The following TTC1 variants were observed in gnomAD, a reference collection of about 807,000 sequenced individuals.
The protein encoded by TTC1 is tetratricopeptide repeat domain 1.
In TTC1, 31 loss-of-function variants were observed where a neutral mutation model predicts 37.6. The ratio of observed to expected loss-of-function variants is 0.82; its 90% CI spans 0.62 to 1.11. The LOEUF (loss-of-function observed/expected upper bound fraction) is 1.11. Ranked by LOEUF, TTC1 falls within the 50% of genes most tolerant of loss-of-function variation. The pLI is 0.00. For synonymous variants in TTC1, 127 were observed against 122.4 expected (o/e 1.04, Z -0.25); for missense variants, 351 against 339.0 (o/e 1.04, Z -0.28).
chr5:160,013,763 T>C (rs1031723845), intron 2 of TTC1, among the ~76,000 whole-genome samples: 1 of 149,948 alleles, frequency 6.7e-6, no homozygotes, highest in African/African-American at 2.5e-5. Context: ...AAAAAAATAC[T>C]AACTAAAACA....
chr5:160,033,739 G>A (rs971371250), intron 2 of TTC1, among the ~76,000 whole-genome samples: 1 of 152,192 alleles, frequency 6.6e-6, no homozygotes, highest in Non-Finnish European at 1.5e-5. Flanking sequence ...TGGGGGAACC[G>A]TCCCCATGAT....
intron 2 of TTC1, among the ~76,000 whole-genome samples, chr5:160,029,509 G>A (rs566396119): frequency 1.1e-4 from 17 of 151,500 alleles, no homozygotes; most frequent in African/African-American, 2.7e-4. Context: ...ATAGCTAGGC[G>A]TGGTGGTGTG....
At chr5:160,060,946 G>A (rs7704770) in intron 7 of TTC1, among the ~76,000 whole-genome samples, 91,684 of 152,164 alleles carry the variant, frequency 0.6, 27,618 homozygotes, top group East Asian at 0.62. Context: ...CCCACAATGT[G>A]GGACTAACTT....
rs1756489042 is a variant in TTC1, at chr5:160,010,813, A to G, written c.285A>G (p.Glu95=). 6.2e-7 allele frequency: 1 copy of G among 1,614,068 alleles called. No homozygotes were observed. Among genetic ancestry groups the G allele is most frequent in the African/African-American group, 1.3e-5 (1 of 74,944 alleles). ...TGAATTCCTCTGAACTAGATGAAGA[A>G]TACCTAATAGAACTGGAAAAAAACA... ...EDVNSSELDE[E]YLIELEKNMS... Residue 95 remains glutamate (E), a synonymous_variant, in exon 2 of 8, where the codon GAA becomes GAG. Coordinates refer to ENST00000231238, the MANE Select transcript of TTC1 (RefSeq NM_003314.3).
Position 160,036,818 on chromosome 5 carries a change from CCTTTT to C in TTC1, c.504+21_504+25del. 3 of 1,578,944 alleles carry C rather than the reference CCTTTT, an allele frequency of 1.9e-6. No individual in the cohort carries two copies. Among genetic ancestry groups the C allele is most frequent in the Non-Finnish European group, 2.6e-6 (3 of 1,149,912 alleles). On this transcript the variant is annotated intron_variant, in intron 4 of 7. Coordinates refer to ENST00000231238, the MANE Select transcript of TTC1 (RefSeq NM_003314.3). ...GGATGAAACAGGTATGTATCTGTGACCTTTTCTTTTTAAAAAGCACATGGACTTGC... is the reference window on the plus strand; with the variant it reads ...GGATGAAACAGGTATGTATCTGTGACCTTTTTAAAAAGCACATGGACTTGC...
chr5:160,060,784 G>C (rs1263829421), intron 7 of TTC1, among the ~76,000 whole-genome samples: 5 of 152,162 alleles, frequency 3.3e-5, no homozygotes, highest in Admixed American at 3.3e-4. Context: ...AACAGCAAAA[G>C]GTAAATTTTT....
chr5:160,032,409 G>T (rs934262921), intron 2 of TTC1, among the ~76,000 whole-genome samples: 2 of 152,116 alleles, frequency 1.3e-5, no homozygotes, highest in South Asian at 4.1e-4. Context: ...TGTTGTCTTG[G>T]CTCTCCAACA....
chr5:160,045,497 C>T (rs1561634758), intron 5 of TTC1, among the ~76,000 whole-genome samples: 16 of 114,892 alleles, frequency 1.4e-4, no homozygotes, highest in African/African-American at 4.6e-4. Flanking sequence ...CACACACACA[C>T]ACACACACAC....
In TTC1 at chr5:160,049,604, A is replaced by G. The variant is rs1156517710; in HGVS notation, c.632A>G (p.Asp211Gly). Residue 211 changes from aspartate (D) to glycine (G), a missense_variant, in exon 6 of 8, where the codon GAC becomes GGC. By Grantham distance (94) the Asp-to-Gly change is moderately conservative (BLOSUM62 -1). Transcript: ENST00000231238. ...GACAAGCTAGATGAAGCCCTGGAAG[A>G]CTATAAATCTATATTAGAAAAAGAT... ...KTDKLDEALE[D>G]YKSILEKDPS... 6.2e-6 allele frequency: 10 copies of G among 1,610,898 alleles called. No homozygotes were observed. Among genetic ancestry groups the G allele is most frequent in the East Asian group, 4.5e-5 (2 of 44,790 alleles).
chr5:160,039,788 T>C (rs1162992381), intron 4 of TTC1, among the ~76,000 whole-genome samples: 5 of 152,236 alleles, frequency 3.3e-5, no homozygotes, highest in Non-Finnish European at 5.9e-5. Flanking sequence ...TATAAAGTTA[T>C]ACAGATTACT....
intron 5 of TTC1, among the ~76,000 whole-genome samples, chr5:160,045,150 G>A (rs1262488173): frequency 6.6e-6 from 1 of 152,002 alleles, no homozygotes; most frequent in African/African-American, 2.4e-5. Context: ...GTAACCAAAT[G>A]GTGAAAAAAT....
At chr5:160,034,126 CTTTTTTTTTTTT>C (rs978923159) in intron 2 of TTC1, among the ~76,000 whole-genome samples, 1 of 114,562 alleles carries the variant, frequency 8.7e-6, no homozygotes, top group East Asian at 2.5e-4. Flanking sequence ...GACCCTATCT[CTTTTTTTTTTTT>C]TTTTTTTTTA....
In TTC1 at chr5:160,010,539, A is replaced by T. The variant is rs1561622894; in HGVS notation, c.11A>T (p.Lys4Met). MGE[K>M]SENCGVPEDL... is the part of the protein sequence containing the mutation. ...CCCTCACTGGGCAGCATGGGGGAGA[A>T]GTCAGAGAACTGTGGGGTTCCAGAG... Residue 4 changes from lysine to methionine, a missense_variant, in exon 2 of 8, where the codon AAG becomes ATG. Transcript: ENST00000231238. 1 of 1,612,724 alleles carries T rather than the reference A, an allele frequency of 6.2e-7. No individual in the cohort carries two copies. Among genetic ancestry groups the T allele is most frequent in the South Asian group, 1.1e-5 (1 of 91,070 alleles).
intron 2 of TTC1, among the ~76,000 whole-genome samples, chr5:160,018,274 C>A (rs1756641414): frequency 6.6e-6 from 1 of 152,098 alleles, no homozygotes; most frequent in Non-Finnish European, 1.5e-5. Context: ...TAGAGCTGTG[C>A]AAAATAAATT....
At chr5:160,014,107 C>A (rs184183433) in intron 2 of TTC1, among the ~76,000 whole-genome samples, 2 of 152,242 alleles carry the variant, frequency 1.3e-5, no homozygotes, top group Non-Finnish European at 2.9e-5. Context: ...AATCCCAGCA[C>A]TCTGGGAGGC....
chr5:160,035,543 G>A (rs1756986530), intron 3 of TTC1, among the ~76,000 whole-genome samples: 1 of 152,226 alleles, frequency 6.6e-6, no homozygotes, highest in Non-Finnish European at 1.5e-5. Flanking sequence ...CAGAGTCGCC[G>A]CTCCTCACTT....
At chr5:160,023,782 T>A (rs888421752) in intron 2 of TTC1, 1 of 1,613,440 alleles carries the variant, frequency 6.2e-7, no homozygotes. Context: ...TGCTGTCTTT[T>A]GATGTGTGCC....
At position 160,057,004 on chromosome 5, in the gene TTC1, T is replaced by C. The variant is rs1757563806; in HGVS notation, c.745+5821T>C. Among the ~76,000 whole-genome samples, 1 of 152,078 alleles carries C rather than the reference T, an allele frequency of 6.6e-6. No individual in the cohort carries two copies. The highest frequency in any genetic ancestry group is 2.4e-5 in the African/African-American group (1 of 41,402). Reference sequence around the variant, plus strand: ...TTTTTTTTTTCCACATTTCTCTTCATACTATTCTGCCTGATATCTGTCATT... The same window carrying C: ...TTTTTTTTTTCCACATTTCTCTTCACACTATTCTGCCTGATATCTGTCATT... On this transcript the variant is annotated intron_variant, in intron 7 of 7. Transcript: ENST00000231238. The surrounding 1 kb of genome is among the most constrained non-coding windows in gnomAD (Gnocchi z 4.4).
chr5:160,058,775 T>C (rs4601078), intron 7 of TTC1, among the ~76,000 whole-genome samples: 115,292 of 152,126 alleles, frequency 0.76, 43,743 homozygotes, highest in East Asian at 0.87. Flanking sequence ...CTGTGGGCTG[T>C]AAAATGGATG....
Sources: gnomAD v4.1 joint callset for allele counts (sites outside exome capture counted in the v4.1 genomes callset) on GRCh38, gnomAD v4.1.1 for gene constraint, Gnocchi (gnomAD v3.1) non-coding constraint, MANE v1.5 for transcripts, NCBI Gene and HGNC (gene_info 2026-07-23, HGNC 2026-07-21) for gene names.